The following ERBB4 variants were observed in gnomAD, a reference collection of about 807,000 sequenced individuals.
ERBB4 encodes the protein erb-b2 receptor tyrosine kinase 4.
A neutral mutation model predicts 158.0 loss-of-function variants in ERBB4; 42 were observed. That is an observed-to-expected ratio of 0.27 (90% CI 0.21 to 0.34). ERBB4 has a LOEUF of 0.34. Ranked by LOEUF, ERBB4 falls within the 10% of genes least tolerant of loss-of-function variation. ERBB4 has a pLI of 1.00. For missense variants in ERBB4, 1,333 were observed against 1,624.1 expected, an observed-to-expected ratio of 0.82 and a Z score of 3.08; for synonymous variants, 583 against 558.7, an observed-to-expected ratio of 1.04 and a Z score of -0.61.
chr2:211,806,045 C>T (rs1481084287), intron 3 of ERBB4, among the ~76,000 whole-genome samples: 1 of 151,978 alleles, frequency 6.6e-6, no homozygotes, highest in Non-Finnish European at 1.5e-5. Context: ...TAGAAGAATA[C>T]ATTATCAATA....
chr2:212,533,763 T>C (rs1171182163), intron 1 of ERBB4, among the ~76,000 whole-genome samples: 1 of 152,178 alleles, frequency 6.6e-6, no homozygotes, highest in African/African-American at 2.4e-5. Flanking sequence ...TGTAACATAA[T>C]AGAGCATCTC....
intron 2 of ERBB4, among the ~76,000 whole-genome samples, chr2:212,010,621 A>G (rs10169217): frequency 0.58 from 87,676 of 151,956 alleles, 28,284 homozygotes; most frequent in East Asian, 0.93. Context: ...AAGGGTCTAT[A>G]TTCAGTAGTG....
intron 3 of ERBB4, among the ~76,000 whole-genome samples, chr2:211,928,280 T>A (rs550016177): frequency 1.3e-5 from 2 of 152,092 alleles, no homozygotes; most frequent in African/African-American, 2.4e-5. Context: ...CCGAGAATAA[T>A]CATTGTAACC....
At chr2:211,620,078 G>T (rs1005058667) in intron 18 of ERBB4, among the ~76,000 whole-genome samples, 1 of 151,996 alleles carries the variant, frequency 6.6e-6, no homozygotes, top group Non-Finnish European at 1.5e-5. Flanking sequence ...AGCATTTCTG[G>T]GTAAAGTGAA....
intron 20 of ERBB4, among the ~76,000 whole-genome samples, chr2:211,440,344 A>G (rs746675726): frequency 1.6e-4 from 24 of 152,104 alleles, no homozygotes; most frequent in Admixed American, 6.5e-4. Context: ...TGTGGGCTGT[A>G]GCAGTTATCC....
At position 211,700,402 on chromosome 2, in the gene ERBB4, C is replaced by T. The variant is rs144441892; in HGVS notation, c.1489+1565G>A. Reference sequence around the variant, plus strand: ...TGATACACAATTAGATTTTACATTTCGTGATTCTATGTGGAACATGAGAAT... The same window carrying T: ...TGATACACAATTAGATTTTACATTTTGTGATTCTATGTGGAACATGAGAAT... On this transcript the variant is annotated intron_variant, in intron 12 of 27. Transcript: ENST00000342788. Among the ~76,000 whole-genome samples the T allele has an allele frequency of 3.5e-3, 539 of 152,210 alleles. 3 individuals carry two copies. Among genetic ancestry groups the T allele is most frequent in the African/African-American group, 0.011 (466 of 41,550 alleles).
At chr2:212,394,676 A>G (rs1461602856) in intron 1 of ERBB4, among the ~76,000 whole-genome samples, 2 of 151,958 alleles carry the variant, frequency 1.3e-5, no homozygotes, top group Non-Finnish European at 2.9e-5. Context: ...TGTTTCCATA[A>G]TTTTCTCTAT....
At position 211,423,967 on chromosome 2, in the gene ERBB4, T is replaced by G. The variant is rs564569824; in HGVS notation, c.2866+188A>C. ...GAATAAAAGAGTCATAATTTTGACT[T>G]CATAGCATGGAAGAGTATTACTTTA... On this transcript the variant is annotated intron_variant, in intron 23 of 27. Transcript: ENST00000342788. Among the ~76,000 whole-genome samples the G allele has an allele frequency of 3.9e-5, 6 of 152,142 alleles. No homozygotes were observed. In the South Asian group the frequency reaches 1.0e-3, roughly 26 times the overall value.
chr2:212,513,063 T>C (rs1158843975), intron 1 of ERBB4, among the ~76,000 whole-genome samples: 1 of 152,240 alleles, frequency 6.6e-6, no homozygotes, highest in Admixed American at 6.5e-5. Context: ...AGAAACTGTC[T>C]TTCCCAGAAG....
intron 1 of ERBB4, among the ~76,000 whole-genome samples, chr2:212,279,008 G>A (rs974289127): frequency 6.6e-6 from 1 of 151,432 alleles, no homozygotes; most frequent in Non-Finnish European, 1.5e-5. Context: ...TTCACACTTT[G>A]TTAGGAAAGG....
chr2:212,157,058 T>C (rs57367348), intron 1 of ERBB4, among the ~76,000 whole-genome samples: 16,312 of 152,072 alleles, frequency 0.11, 1,263 homozygotes, highest in African/African-American at 0.22. Flanking sequence ...CAAAAACATG[T>C]CTATGGAATT....
chr2:211,397,906 T>A (rs1029930722), intron 25 of ERBB4, among the ~76,000 whole-genome samples: 1 of 152,180 alleles, frequency 6.6e-6, no homozygotes, highest in Non-Finnish European at 1.5e-5. Flanking sequence ...GATGAATTCA[T>A]TCGTAAAATC....
At chr2:212,075,185 AT>A (rs530770849) in intron 2 of ERBB4, among the ~76,000 whole-genome samples, 77 of 151,920 alleles carry the variant, frequency 5.1e-4, no homozygotes, top group Non-Finnish European at 9.9e-4. Context: ...CTTCCATGGG[AT>A]TTTTTTTAAA....
chr2:211,672,220 C>T (rs1430053461), intron 14 of ERBB4, among the ~76,000 whole-genome samples: 1 of 152,066 alleles, frequency 6.6e-6, no homozygotes, highest in Non-Finnish European at 1.5e-5. Context: ...TTTAAATTTT[C>T]AATGAAATTG....
chr2:212,344,065 T>C (rs964950578), intron 1 of ERBB4, among the ~76,000 whole-genome samples: 1 of 152,182 alleles, frequency 6.6e-6, no homozygotes, highest in African/African-American at 2.4e-5. Context: ...AATTTGCTGT[T>C]AATGGGAAAA....
In ERBB4 at chr2:212,402,830, A is replaced by C. The variant is rs1356225813; in HGVS notation, c.82+135619T>G. Among the ~76,000 whole-genome samples, 20 of 152,088 alleles carry C rather than the reference A, an allele frequency of 1.3e-4. 2 individuals carry two copies. The highest frequency in any genetic ancestry group is 1.3e-3 in the Admixed American group (20 of 15,232). On this transcript the variant is annotated intron_variant, in intron 1 of 27. Coordinates refer to ENST00000342788, the MANE Select transcript of ERBB4 (RefSeq NM_005235.3). ...ACATTTTTATATAGTTTTATCAATA[A>C]ATATCATACCAAAAATAATTAATGA...
chr2:211,390,837 T>A (rs769269815), intron 25 of ERBB4, among the ~76,000 whole-genome samples: 26 of 152,176 alleles, frequency 1.7e-4, no homozygotes, highest in Non-Finnish European at 3.5e-4. Context: ...AGCATTAAAA[T>A]GGAAAAAATG....
chr2:211,427,121 C>T (rs2063645928), intron 22 of ERBB4, among the ~76,000 whole-genome samples: 1 of 151,912 alleles, frequency 6.6e-6, no homozygotes, highest in Admixed American at 6.6e-5. Flanking sequence ...AAGGAATAAC[C>T]CACTTGATTG....
chr2:212,216,986 C>T (rs1289912915), intron 1 of ERBB4, among the ~76,000 whole-genome samples: 1 of 151,400 alleles, frequency 6.6e-6, no homozygotes, highest in Non-Finnish European at 1.5e-5. Flanking sequence ...CAATATCCTT[C>T]ACATGTATGT....
Sources: gnomAD v4.1 joint callset for allele counts (sites outside exome capture counted in the v4.1 genomes callset) on GRCh38, gnomAD v4.1.1 for gene constraint, MANE v1.5 for transcripts, NCBI Gene and HGNC (gene_info 2026-07-23, HGNC 2026-07-21) for gene names.